Variants in ARHGAP28 observed in about 807,000 individuals in gnomAD.
The protein encoded by ARHGAP28 is rho GTPase-activating protein 28.
In ARHGAP28, 56 loss-of-function variants were observed where a neutral mutation model predicts 90.7. The ratio of observed to expected loss-of-function variants is 0.62; its 90% CI spans 0.50 to 0.77. The LOEUF (loss-of-function observed/expected upper bound fraction) is 0.77, where lower values mean the gene tolerates loss of function less well. Ranked by LOEUF, ARHGAP28 falls within the 30% of genes least tolerant of loss-of-function variation. The probability of loss-of-function intolerance (pLI) is 0.00; values close to 1 mark genes in which losing one functional copy is unlikely to be tolerated. For synonymous variants in ARHGAP28, 308 were observed against 323.3 expected (o/e 0.95, Z 0.51); for missense variants, 869 against 900.9 (o/e 0.96, Z 0.45).
At chr18:6,878,105 A>G (rs554041403) in intron 10 of ARHGAP28, among the ~76,000 whole-genome samples, 2 of 152,268 alleles carry the variant, frequency 1.3e-5, no homozygotes, top group Admixed American at 6.5e-5. Flanking sequence ...GCATTGTCCA[A>G]CAATGATAGA....
At chr18:6,887,098 T>C (rs1420097022) in intron 11 of ARHGAP28, 59 bp from the exon 12 acceptor site, 1 of 1,469,380 alleles carries the variant, frequency 6.8e-7, no homozygotes, top group African/African-American at 1.4e-5. Flanking sequence ...TAGCAAGAAA[T>C]GCTGTCAGGA....
chr18:6,865,923 C>T lies in ARHGAP28; in HGVS notation c.727-2227C>T, dbSNP rs986301642. ...CATGTGGTTGATCACATTAGGGAAA[C>T]GGTGGGCTCAGTTATGAACAAGCTG... On this transcript the variant is annotated intron_variant, in intron 5 of 17. Coordinates refer to ENST00000383472, the MANE Select transcript of ARHGAP28 (RefSeq NM_001366230.1). 8.5e-5 allele frequency among the ~76,000 whole-genome samples: 13 copies of T among 152,176 alleles called. 2 individuals carry two copies. The highest frequency in any genetic ancestry group is 2.1e-4 in the South Asian group (1 of 4,814).
At chr18:6,855,768 G>A (rs2056947966) in intron 4 of ARHGAP28, among the ~76,000 whole-genome samples, 1 of 152,164 alleles carries the variant, frequency 6.6e-6, no homozygotes, top group African/African-American at 2.4e-5. Context: ...GGGATCTCCA[G>A]GCTTCTAGGC....
intron 6 of ARHGAP28, among the ~76,000 whole-genome samples, chr18:6,869,299 C>G (rs907039276): frequency 8.2e-6 from 1 of 122,264 alleles, no homozygotes; most frequent in African/African-American, 3.1e-5. Flanking sequence ...TCGCTCTTGT[C>G]ACTCAGGCTG....
At chr18:6,802,282 TGTGCAGTA>T (rs1321427460) in intron 1 of ARHGAP28, among the ~76,000 whole-genome samples, 1 of 151,434 alleles carries the variant, frequency 6.6e-6, no homozygotes, top group Non-Finnish European at 1.5e-5. Flanking sequence ...CTTTTATATA[TGTGCAGTA>T]GTGCAGTAGT....
At chr18:6,905,460 G>A (rs1302832729) in intron 16 of ARHGAP28, among the ~76,000 whole-genome samples, 2 of 151,944 alleles carry the variant, frequency 1.3e-5, no homozygotes, top group Admixed American at 6.6e-5. Context: ...CCTTAACAAC[G>A]AAGGATTGAA....
chr18:6,763,882 GT>G (rs905324448), intron 1 of ARHGAP28, among the ~76,000 whole-genome samples: 1 of 152,128 alleles, frequency 6.6e-6, no homozygotes, highest in African/African-American at 2.4e-5. Flanking sequence ...TCTCTCCACA[GT>G]TTTTGCAGTT....
chr18:6,872,053 G>A (rs2057093911), intron 7 of ARHGAP28, among the ~76,000 whole-genome samples: 1 of 152,176 alleles, frequency 6.6e-6, no homozygotes, highest in Non-Finnish European at 1.5e-5. Flanking sequence ...CAGTCTGCAG[G>A]TTAGAGGGCA....
At chr18:6,772,725 A>T (rs990938631) in intron 1 of ARHGAP28, among the ~76,000 whole-genome samples, 1 of 149,858 alleles carries the variant, frequency 6.7e-6, no homozygotes, top group African/African-American at 2.5e-5. Flanking sequence ...GATGGGTTTT[A>T]TTTTTTTTTA....
intron 1 of ARHGAP28, among the ~76,000 whole-genome samples, chr18:6,796,095 A>T (rs548610388): frequency 4.7e-4 from 72 of 152,340 alleles, no homozygotes; most frequent in Non-Finnish European, 8.2e-4. Flanking sequence ...GTTATTCCAA[A>T]TATTTAATAA....
At chr18:6,903,775 G>A (rs1248035978) in intron 16 of ARHGAP28, among the ~76,000 whole-genome samples, 1 of 137,686 alleles carries the variant, frequency 7.3e-6, no homozygotes, top group Non-Finnish European at 1.5e-5. Context: ...GTTGCAGTGA[G>A]CCGAGATCAC....
intron 16 of ARHGAP28, among the ~76,000 whole-genome samples, chr18:6,903,708 G>A (rs917538159): frequency 3.3e-5 from 5 of 150,988 alleles, no homozygotes; most frequent in African/African-American, 1.2e-4. Flanking sequence ...GTGGGCGCCT[G>A]TAATCCCAGC....
At chr18:6,733,549 T>C (rs2055901405) in intron 1 of ARHGAP28, among the ~76,000 whole-genome samples, 2 of 152,232 alleles carry the variant, frequency 1.3e-5, no homozygotes, top group African/African-American at 4.8e-5. Context: ...ACTACTTTTA[T>C]CTTTCAAAGT....
At chr18:6,730,899 TG>T (rs1373332884) in intron 1 of ARHGAP28, among the ~76,000 whole-genome samples, 1 of 152,234 alleles carries the variant, frequency 6.6e-6, no homozygotes, top group African/African-American at 2.4e-5. Context: ...TAACTTTAGT[TG>T]TGCGATAATT....
In ARHGAP28 at chr18:6,824,968, A is replaced by G. The variant is rs2056651865; in HGVS notation, c.325+4A>G. 1.3e-6 allele frequency: 2 copies of G among 1,527,922 alleles called. No individual in the cohort carries two copies. Among genetic ancestry groups the G allele is most frequent in the East Asian group, 2.5e-5 (1 of 40,676 alleles). 94.6% of individuals were successfully genotyped at this position (1,527,922 alleles called of 1,614,324 possible). ...GCTGAGGTCACACCTGTGGATGGTA[A>G]GTTGCTGGATTTGTCTTCCTATGTG... On this transcript the variant is annotated splice_donor_region_variant and intron_variant, in intron 2 of 17. Coordinates refer to ENST00000383472, the MANE Select transcript of ARHGAP28 (RefSeq NM_001366230.1).
chr18:6,821,449 C>T (rs2056626241), intron 1 of ARHGAP28, among the ~76,000 whole-genome samples: 1 of 152,154 alleles, frequency 6.6e-6, no homozygotes, highest in African/African-American at 2.4e-5. Flanking sequence ...GCCTAAACTC[C>T]ATTTTCTCCT....
intron 1 of ARHGAP28, among the ~76,000 whole-genome samples, chr18:6,775,988 G>GA (rs935046615): frequency 3.9e-5 from 6 of 152,066 alleles, no homozygotes; most frequent in African/African-American, 1.4e-4. Context: ...CCAAAGTGGG[G>GA]AAAAAACATT....
intron 11 of ARHGAP28, among the ~76,000 whole-genome samples, chr18:6,885,098 T>A (rs2057209850): frequency 3.3e-5 from 5 of 152,242 alleles, no homozygotes; most frequent in Admixed American, 3.3e-4. Context: ...CTGCATGCTG[T>A]ATCATCATTA....
chr18:6,891,645 T>A (rs1342994414), intron 14 of ARHGAP28, among the ~76,000 whole-genome samples: 1 of 151,934 alleles, frequency 6.6e-6, no homozygotes, highest in Non-Finnish European at 1.5e-5. Context: ...TGGAGTGCAG[T>A]GGCATGATCA....
Sources: allele counts gnomAD v4.1 joint callset (sites outside exome capture counted in the v4.1 genomes callset), GRCh38; gene constraint gnomAD v4.1.1; transcripts MANE v1.5; gene names NCBI Gene and HGNC (gene_info 2026-07-23, HGNC 2026-07-21).